The following ACAT1 variants were observed in gnomAD, a reference collection of about 807,000 sequenced individuals.
ACAT1 encodes acetyl-CoA acetyltransferase 1, also known as acetyl-CoA acetyltransferase, mitochondrial.
Under a neutral mutation model 47.3 loss-of-function variants are expected in ACAT1, and 28 were observed. The observed-to-expected ratio is 0.59, with a 90% confidence interval of 0.44 to 0.81. ACAT1 has a LOEUF of 0.81. Ranked by LOEUF, ACAT1 falls within the 30% of genes least tolerant of loss-of-function variation. The probability of loss-of-function intolerance (pLI) is 0.00; values close to 1 mark genes in which losing one functional copy is unlikely to be tolerated. For missense variants in ACAT1, 469 were observed against 524.3 expected (o/e 0.89, Z 1.03); for synonymous variants, 181 against 173.6 (o/e 1.04, Z -0.34).
At chr11:108,143,918 GT>G in intron 9 of ACAT1, 64 bp from the exon 10 acceptor site, 1 of 1,573,236 alleles carries the variant, frequency 6.4e-7, no homozygotes, top group African/African-American at 1.4e-5. Context: ...AACTTGGCTT[GT>G]GCATATTCTA....
intron 7 of ACAT1, 131 bp from the exon 8 acceptor site, chr11:108,141,474 G>C: frequency 1.5e-6 from 1 of 667,488 alleles, no homozygotes; most frequent in Non-Finnish European, 2.7e-6. Context: ...CTAGATGAGT[G>C]TTTACTTGGG....
chr11:108,143,986 T>TTGC lies in ACAT1; in HGVS notation c.947_949dup (p.Ala316dup), dbSNP rs1591372596. ...CCCCCCCCCTTTTTTTAAACAGCAT[T>TTGC]TGCTGACGCTGCTGTAGAACCTATT... On this transcript the variant is annotated inframe_insertion, in exon 10 of 12. Coordinates refer to ENST00000265838, the MANE Select transcript of ACAT1 (RefSeq NM_000019.4). 1.2e-6 allele frequency: 1 copy of TTGC among 811,528 alleles called. No individual in the cohort carries two copies. The highest frequency in any genetic ancestry group is 1.9e-6 in the Non-Finnish European group (1 of 519,588). The allele number at this position is 811,528 out of a possible 1,614,324, so 50.3% of individuals were successfully genotyped here.
chr11:108,127,504 G>A (rs1390992704), intron 1 of ACAT1, among the ~76,000 whole-genome samples: 3 of 152,048 alleles, frequency 2.0e-5, no homozygotes, highest in African/African-American at 4.8e-5. Context: ...TCCCGACCTC[G>A]TGATCTGCCT....
In ACAT1 at chr11:108,143,935, TAAA is replaced by T. The variant is rs5794587; in HGVS notation, c.941-39_941-37del. 6.3e-6 allele frequency: 5 copies of T among 789,368 alleles called. 1 individual carries two copies. The highest frequency in any genetic ancestry group is 2.9e-5 in the South Asian group (2 of 70,132). 48.9% of individuals were successfully genotyped at this position (789,368 alleles called of 1,614,324 possible). On this transcript the variant is annotated intron_variant, in intron 9 of 11. Transcript: ENST00000265838. ...CTTGGCTTGTGCATATTCTATACAG[TAAA>T]AAAAAAAAGATTTTAACAACCCCCC...
intron 8 of ACAT1, 77 bp from the exon 9 acceptor site, chr11:108,142,360 A>C: frequency 9.3e-7 from 1 of 1,080,930 alleles, no homozygotes; most frequent in Non-Finnish European, 1.4e-6. Flanking sequence ...AGCCCAGGCA[A>C]TAGGTATTTG....
At chr11:108,139,190 C>T in intron 6 of ACAT1, 149 bp downstream of exon 6, 1 of 1,015,992 alleles carries the variant, frequency 9.8e-7, no homozygotes, top group Non-Finnish European at 1.5e-6. Context: ...TTTTGTATGC[C>T]TATTGCATCG....
At chr11:108,147,039 C>T (rs2077728165) in intron 11 of ACAT1, among the ~76,000 whole-genome samples, 1 of 152,178 alleles carries the variant, frequency 6.6e-6, no homozygotes, top group South Asian at 2.1e-4. Flanking sequence ...GAGATTCTGC[C>T]ATTGCACTCC....
At chr11:108,133,478 C>T (rs537073570) in intron 2 of ACAT1, among the ~76,000 whole-genome samples, 51 of 152,200 alleles carry the variant, frequency 3.4e-4, no homozygotes, top group Admixed American at 2.0e-3. Flanking sequence ...GAGCAAGACC[C>T]TGTCTCAAAA....
At chr11:108,146,806 G>C (rs982663786) in intron 11 of ACAT1, among the ~76,000 whole-genome samples, 8 of 152,164 alleles carry the variant, frequency 5.3e-5, no homozygotes, top group Non-Finnish European at 7.3e-5. Context: ...ACCTGGCCAG[G>C]CACGGTGGCT....
intron 6 of ACAT1, among the ~76,000 whole-genome samples, chr11:108,139,842 G>T (rs1033149345): frequency 3.7e-4 from 56 of 151,990 alleles, no homozygotes; most frequent in Middle Eastern, 3.4e-3. Flanking sequence ...TAGTAGAGAC[G>T]GGGTTTCACC....
intron 11 of ACAT1, 54 bp downstream of exon 11, chr11:108,146,413 C>G (rs1225986369): frequency 6.3e-7 from 1 of 1,592,564 alleles, no homozygotes; most frequent in East Asian, 2.2e-5. Flanking sequence ...GTGTTTCTAG[C>G]TAAACTTAAA....
chr11:108,142,579 G>A (rs746594776), intron 9 of ACAT1, 29 bp downstream of exon 9: 4 of 1,559,414 alleles, frequency 2.6e-6, no homozygotes, highest in Non-Finnish European at 3.5e-6. Context: ...GCTCACACCT[G>A]TAATCCCAGC....
intron 9 of ACAT1, chr11:108,143,283 C>T (rs1160628126): frequency 6.6e-6 from 1 of 151,190 alleles, no homozygotes; most frequent in Non-Finnish European, 1.5e-5. Context: ...GTCTCTTTTT[C>T]TTTTTTTTTA....
chr11:108,147,506 C>A lies in ACAT1; in HGVS notation c.*116C>A. 7.6e-7 allele frequency: 1 copy of A among 1,309,960 alleles called. No homozygotes were observed. Among genetic ancestry groups the A allele is most frequent in the Non-Finnish European group, 1.1e-6 (1 of 944,070 alleles). 81.1% of individuals were successfully genotyped at this position (1,309,960 alleles called of 1,614,324 possible). A position where few individuals can be genotyped will look rare whatever the true frequency, so the allele number is the denominator to read the frequency against. On this transcript the variant is annotated 3_prime_UTR_variant, in exon 12 of 12. Transcript: ENST00000265838. ...AAGCTGTTTCATTTTTTATTATTTT[C>A]TATGTTAACTTTTAAAAATCAAAAT...
At chr11:108,131,354 A>ATTTTTTTTGTTTTTTTTTTTTTTTT (rs2077353490) in intron 1 of ACAT1, among the ~76,000 whole-genome samples, 1 of 62,660 alleles carries the variant, frequency 1.6e-5, no homozygotes, top group Non-Finnish European at 3.0e-5. Context: ...AAGACTTGGA[A>ATTTTTTTTGTTTTTTTTTTTTTTTT]TTTTTTTTTT....
intron 5 of ACAT1, chr11:108,136,166 C>T (rs2077464664): frequency 3.4e-6 from 2 of 594,768 alleles, no homozygotes; most frequent in South Asian, 4.2e-5. Context: ...CAGATCTGAG[C>T]CCTTCATTTT....
At chr11:108,121,524 C>T (rs1205811391), upstream of ACAT1, 18 of 1,450,338 alleles carry the variant, frequency 1.2e-5, no homozygotes, top group Non-Finnish European at 1.6e-5. Flanking sequence ...GGGCGGTGCC[C>T]GCGCCGGGCC....
In ACAT1 at chr11:108,134,405, G is replaced by A; in HGVS notation, c.334+89G>A. ...CATGCCTGTAATCCCAGCACTTTGGGAGGCCGAGGCAGGCGGATCACGAGG... is the reference window on the plus strand; with the variant it reads ...CATGCCTGTAATCCCAGCACTTTGGAAGGCCGAGGCAGGCGGATCACGAGG... On this transcript the variant is annotated intron_variant, in intron 4 of 11. Transcript: ENST00000265838. 6 of 998,736 alleles carry A rather than the reference G, an allele frequency of 6.0e-6. No homozygotes were observed. In the Middle Eastern group the frequency reaches 1.1e-3, roughly 186 times the overall value. The allele number at this position is 998,736 out of a possible 1,614,324, so 61.9% of individuals were successfully genotyped here.
intron 9 of ACAT1, chr11:108,142,833 T>A: frequency 2.6e-6 from 1 of 378,326 alleles, no homozygotes; most frequent in Non-Finnish European, 5.0e-6. Context: ...CGAGACCCTG[T>A]CTTAAAAAAA....
Sources: gnomAD v4.1 joint callset for allele counts (sites outside exome capture counted in the v4.1 genomes callset) on GRCh38, gnomAD v4.1.1 for gene constraint, MANE v1.5 for transcripts, NCBI Gene and HGNC (gene_info 2026-07-23, HGNC 2026-07-21) for gene names.